The following CDKAL1 variants were observed in gnomAD, a reference collection of about 807,000 sequenced individuals.
The protein encoded by CDKAL1 is threonylcarbamoyladenosine tRNA methylthiotransferase.
A neutral mutation model predicts 68.2 loss-of-function variants in CDKAL1; 32 were observed. The ratio of observed to expected loss-of-function variants is 0.47; its 90% CI spans 0.35 to 0.63. CDKAL1 has a LOEUF of 0.63. Ranked by LOEUF, CDKAL1 falls within the 30% of genes least tolerant of loss-of-function variation. The pLI is 0.00. For missense variants in CDKAL1, 606 were observed against 696.7 expected, an observed-to-expected ratio of 0.87 and a Z score of 1.47; for synonymous variants, 234 against 244.3, an observed-to-expected ratio of 0.96 and a Z score of 0.39.
intron 11 of CDKAL1, among the ~76,000 whole-genome samples, chr6:21,038,639 A>G (rs1167897549): frequency 6.6e-6 from 1 of 152,140 alleles, no homozygotes; most frequent in Non-Finnish European, 1.5e-5. Context: ...TGCAGCCCAA[A>G]ACAAATTTGT....
chr6:21,149,189 G>A (rs1197155461), intron 13 of CDKAL1, among the ~76,000 whole-genome samples: 1 of 151,962 alleles, frequency 6.6e-6, no homozygotes, highest in Non-Finnish European at 1.5e-5. Flanking sequence ...GCCCAGGCTG[G>A]AGTGCAGTGG....
In CDKAL1 at chr6:20,972,816, TCTG is replaced by T. The variant is rs1215072013; in HGVS notation, c.909+17235_909+17237del. 4.6e-5 allele frequency among the ~76,000 whole-genome samples: 7 copies of T among 152,316 alleles called. No individual in the cohort carries two copies. The East Asian group carries it at 1.4e-3, about 29-fold the overall frequency. On this transcript the variant is annotated intron_variant, in intron 10 of 15. Transcript: ENST00000274695. ...CAGTCTTTGACATGGGCCTGGATGT[TCTG>T]CTGATTTTTGTGGAGCACTGGACAG...
chr6:20,820,495 C>G (rs1356045119), intron 8 of CDKAL1, among the ~76,000 whole-genome samples: 1 of 152,086 alleles, frequency 6.6e-6, no homozygotes, highest in Admixed American at 6.6e-5. Flanking sequence ...TAGTAAAATA[C>G]CAGGTTGGAA....
At chr6:21,048,701 T>C (rs1770379724) in intron 11 of CDKAL1, among the ~76,000 whole-genome samples, 1 of 152,168 alleles carries the variant, frequency 6.6e-6, no homozygotes, top group African/African-American at 2.4e-5. Flanking sequence ...GGCAACTGCA[T>C]TTTGACTGTA....
chr6:20,749,082 C>G (rs1255819965), intron 6 of CDKAL1, among the ~76,000 whole-genome samples: 1 of 151,910 alleles, frequency 6.6e-6, no homozygotes, highest in African/African-American at 2.4e-5. Flanking sequence ...GATAGTAAAA[C>G]CCCAGCCAGA....
intron 4 of CDKAL1, among the ~76,000 whole-genome samples, chr6:20,642,477 G>GAAAAAAAA (rs70990055): frequency 8.5e-6 from 1 of 117,850 alleles, no homozygotes. Context: ...ATGAAAAACA[G>GAAAAAAAA]AAAAAAAAAA....
intron 4 of CDKAL1, among the ~76,000 whole-genome samples, chr6:20,614,769 C>A: frequency 6.6e-6 from 1 of 152,022 alleles, no homozygotes; most frequent in Admixed American, 6.6e-5. Context: ...AAAAGATAAT[C>A]AAATATTTGA....
chr6:21,042,953 A>G (rs536163260), intron 11 of CDKAL1, among the ~76,000 whole-genome samples: 1 of 152,230 alleles, frequency 6.6e-6, no homozygotes, highest in African/African-American at 2.4e-5. Context: ...AAAAACAGAC[A>G]TAGAGATAGT....
chr6:20,892,856 G>C, intron 9 of CDKAL1, among the ~76,000 whole-genome samples: 1 of 152,158 alleles, frequency 6.6e-6, no homozygotes, highest in Admixed American at 6.5e-5. Flanking sequence ...AATCTGATCA[G>C]ATTGGTTAAA....
intron 4 of CDKAL1, among the ~76,000 whole-genome samples, chr6:20,577,224 G>A (rs1191532145): frequency 1.3e-5 from 2 of 152,294 alleles, no homozygotes; most frequent in East Asian, 3.9e-4. Context: ...ATTTTATTAT[G>A]AACTATTTGA....
intron 9 of CDKAL1, among the ~76,000 whole-genome samples, chr6:20,879,491 T>C (rs1189784259): frequency 6.6e-6 from 1 of 152,234 alleles, no homozygotes; most frequent in Non-Finnish European, 1.5e-5. Flanking sequence ...TTTTGGATTA[T>C]CATTATTTCC....
chr6:20,665,116 G>A (rs1480434304), intron 5 of CDKAL1, among the ~76,000 whole-genome samples: 1 of 152,058 alleles, frequency 6.6e-6, no homozygotes, highest in Non-Finnish European at 1.5e-5. Context: ...ATGGAGAGAA[G>A]AGTCCAGGAC....
intron 4 of CDKAL1, among the ~76,000 whole-genome samples, chr6:20,571,644 A>G (rs532705535): frequency 6.6e-6 from 1 of 152,182 alleles, no homozygotes; most frequent in South Asian, 2.1e-4. Flanking sequence ...TGGTAAATTA[A>G]TTGGCTGACT....
At chr6:21,019,339 T>A (rs1268216149) in intron 11 of CDKAL1, among the ~76,000 whole-genome samples, 1 of 152,190 alleles carries the variant, frequency 6.6e-6, no homozygotes, top group East Asian at 1.9e-4. Flanking sequence ...TCCTTTTCTG[T>A]CTTTCTTGCT....
chr6:20,651,203 A>G (rs995316391), intron 5 of CDKAL1, among the ~76,000 whole-genome samples: 20 of 152,024 alleles, frequency 1.3e-4, no homozygotes, highest in Admixed American at 3.9e-4. Context: ...ATGTTTTACC[A>G]TTTGTTTGTT....
chr6:20,783,238 C>T (rs1775510947), intron 8 of CDKAL1, among the ~76,000 whole-genome samples: 1 of 152,018 alleles, frequency 6.6e-6, no homozygotes, highest in Non-Finnish European at 1.5e-5. Context: ...CTGAAAAATG[C>T]CGGTTTTGTG....
At chr6:20,810,599 T>TA (rs1776766932) in intron 8 of CDKAL1, among the ~76,000 whole-genome samples, 1 of 149,244 alleles carries the variant, frequency 6.7e-6, no homozygotes, top group Non-Finnish European at 1.5e-5. Flanking sequence ...ACTCTCTTTT[T>TA]AAAAAAAAGA....
intron 10 of CDKAL1, among the ~76,000 whole-genome samples, chr6:20,976,664 G>A (rs547639946): frequency 6.6e-6 from 1 of 152,224 alleles, no homozygotes; most frequent in East Asian, 1.9e-4. Flanking sequence ...GTTCCTTCCA[G>A]TTCACACATC....
chr6:20,956,345 G>GTGGT (rs2150728882), intron 10 of CDKAL1, among the ~76,000 whole-genome samples: 1 of 152,284 alleles, frequency 6.6e-6, no homozygotes, highest in South Asian at 2.1e-4. Flanking sequence ...CCAGGTAACT[G>GTGGT]TGGTACCTGA....
Sources: gnomAD v4.1 joint callset for allele counts (sites outside exome capture counted in the v4.1 genomes callset) on GRCh38, gnomAD v4.1.1 for gene constraint, MANE v1.5 for transcripts, NCBI Gene and HGNC (gene_info 2026-07-23, HGNC 2026-07-21) for gene names.